The following TTC7A variants were observed in gnomAD, a reference collection of about 807,000 sequenced individuals.
The protein encoded by TTC7A is tetratricopeptide repeat protein 7A.
TTC7A carries 110 observed loss-of-function variants against 103.7 expected under a neutral mutation model. The ratio of observed to expected loss-of-function variants is 1.06; its 90% confidence interval spans 0.91 to 1.24. TTC7A has a LOEUF of 1.24. Among genes scored for constraint, TTC7A ranks in the 50% most tolerant of loss-of-function variants. The pLI is 0.00. For synonymous variants in TTC7A, 521 were observed against 467.9 expected, an observed-to-expected ratio of 1.11 and a Z score of -1.47; for missense variants, 1,340 against 1,116.3, an observed-to-expected ratio of 1.20 and a Z score of -2.86.
chr2:46,996,938 C>T (rs72872908), intron 8 of TTC7A, among the ~76,000 whole-genome samples: 79 of 152,166 alleles, frequency 5.2e-4, no homozygotes, highest in African/African-American at 1.9e-3. Context: ...AATCATCTGT[C>T]TGGAAACACA....
intron 3 of TTC7A, among the ~76,000 whole-genome samples, chr2:46,963,027 G>A (rs115863857): frequency 2.5e-4 from 38 of 152,342 alleles, no homozygotes; most frequent in African/African-American, 8.9e-4. Context: ...GGCCTCAAGG[G>A]TCTGTCGCTC....
At chr2:47,027,140 G>A (rs1024006946) in intron 14 of TTC7A, among the ~76,000 whole-genome samples, 2 of 152,212 alleles carry the variant, frequency 1.3e-5, no homozygotes, top group African/African-American at 2.4e-5. Flanking sequence ...TCTACAGGGT[G>A]CAGAACCTCA....
intron 15 of TTC7A, among the ~76,000 whole-genome samples, chr2:47,030,720 C>G (rs1680438082): frequency 6.6e-6 from 1 of 152,184 alleles, no homozygotes; most frequent in South Asian, 2.1e-4. Flanking sequence ...CCTGTTCCCC[C>G]TCCATCCTGG....
At chr2:47,000,813 C>A (rs1186279709) in intron 8 of TTC7A, among the ~76,000 whole-genome samples, 2 of 152,150 alleles carry the variant, frequency 1.3e-5, no homozygotes, top group African/African-American at 4.8e-5. Context: ...TGATCAGGGC[C>A]TTGGACTTGT....
chr2:47,004,579 A>C (rs945059838), intron 8 of TTC7A, among the ~76,000 whole-genome samples: 1 of 152,108 alleles, frequency 6.6e-6, no homozygotes, highest in Non-Finnish European at 1.5e-5. Context: ...TGTGTATGGA[A>C]GCAGAGGAGG....
At chr2:46,982,039 G>A (rs1302746743) in intron 5 of TTC7A, among the ~76,000 whole-genome samples, 2 of 152,192 alleles carry the variant, frequency 1.3e-5, no homozygotes, top group East Asian at 3.9e-4. Context: ...CGGTTGTGGG[G>A]ACAGGCACGC....
At chr2:47,062,969 A>G (rs967688693) in intron 19 of TTC7A, among the ~76,000 whole-genome samples, 1 of 152,252 alleles carries the variant, frequency 6.6e-6, no homozygotes, top group African/African-American at 2.4e-5. Context: ...CATCCCGTCT[A>G]CAGGCTCTGT....
At chr2:46,944,012 C>G (rs1670701850) in intron 1 of TTC7A, among the ~76,000 whole-genome samples, 1 of 152,064 alleles carries the variant, frequency 6.6e-6, no homozygotes, top group Non-Finnish European at 1.5e-5. Context: ...GCCCCTGTAC[C>G]CTTTTCCTGT....
At chr2:46,967,997 G>A (rs1252656516) in intron 3 of TTC7A, among the ~76,000 whole-genome samples, 2 of 152,124 alleles carry the variant, frequency 1.3e-5, no homozygotes, top group Non-Finnish European at 2.9e-5. Flanking sequence ...GACAGGCTGG[G>A]TAGGTGGGAG....
Position 46,975,084 on chromosome 2 carries a change from TC to T in TTC7A, c.631del (p.Leu211CysfsTer16). 7.4e-6 allele frequency: 12 copies of T among 1,613,862 alleles called. No individual in the cohort carries two copies. The highest frequency in any genetic ancestry group is 1.0e-5 in the Non-Finnish European group (12 of 1,179,842). On this transcript the variant is annotated frameshift_variant, in exon 4 of 20. Coordinates refer to ENST00000319190, the MANE Select transcript of TTC7A (RefSeq NM_020458.4). LOFTEE classifies it high-confidence loss of function. ...AGGGCCTCCTGGATCGCTCAGGTGT[TC>T]CTGCAGGAATTGGAGAAGGTGAGCT... Reference protein sequence around the residue: ...FERASWIAQVFLQELEKTTNN... With the variant: ...FERASWIAQVXLQELEKTTNN...
rs549400710 is a variant in TTC7A at position 46,941,497 on chromosome 2, T to A, written c.-45T>A. The A allele has an allele frequency of 4.6e-6, 7 of 1,537,584 alleles. No homozygotes were observed. The East Asian group carries it at 1.8e-4, about 39-fold the overall frequency. ...AGCCAGGACGCCGCCCCCGGCCGGG[T>A]CTCCACTTCTTGGCCGCACCTTCCA... On this transcript the variant is annotated 5_prime_UTR_variant, in exon 1 of 20. Coordinates refer to ENST00000319190, the MANE Select transcript of TTC7A (RefSeq NM_020458.4). The surrounding 1 kb of genome is among the most constrained non-coding windows in gnomAD (Gnocchi z 4.2).
intron 4 of TTC7A, among the ~76,000 whole-genome samples, chr2:46,976,604 C>T (rs1249576288): frequency 6.6e-6 from 1 of 152,158 alleles, no homozygotes; most frequent in Admixed American, 6.5e-5. Flanking sequence ...AGGTCATTTC[C>T]CCTAGAGCAG....
At chr2:47,040,248 C>G (rs1379072346) in intron 15 of TTC7A, 3 of 152,288 alleles carry the variant, frequency 2.0e-5, no homozygotes, top group African/African-American at 7.2e-5. Flanking sequence ...GCAGAGAGTA[C>G]CAAGGATGGA....
intron 18 of TTC7A, 132 bp from the exon 19 acceptor site, chr2:47,060,637 C>T (rs1683692786): frequency 1.3e-6 from 1 of 773,350 alleles, no homozygotes; most frequent in Non-Finnish European, 2.1e-6. Context: ...TCAGTGTGTC[C>T]CATGCTGTGA....
At chr2:46,961,457 G>T (rs11125104) in intron 3 of TTC7A, among the ~76,000 whole-genome samples, 99,948 of 151,058 alleles carry the variant, frequency 0.66, 33,741 homozygotes, top group East Asian at 0.74. Context: ...GGTGCCTGTA[G>T]TCCCAGCTAC....
intron 15 of TTC7A, chr2:47,045,539 G>T (rs936621334): frequency 6.6e-6 from 1 of 152,256 alleles, no homozygotes; most frequent in Non-Finnish European, 1.5e-5. Context: ...TTTTCAGGTC[G>T]AAAGAAATTC....
At chr2:46,997,652 T>C (rs1257372509) in intron 8 of TTC7A, among the ~76,000 whole-genome samples, 2 of 152,162 alleles carry the variant, frequency 1.3e-5, no homozygotes, top group East Asian at 1.9e-4. Flanking sequence ...CTCCTGGACT[T>C]CCATCCTGGT....
intron 18 of TTC7A, among the ~76,000 whole-genome samples, chr2:47,054,910 G>A (rs1183099106): frequency 1.3e-5 from 2 of 151,474 alleles, no homozygotes; most frequent in Admixed American, 6.6e-5. Flanking sequence ...GTGCACAACC[G>A]CCACGGCCAG....
At chr2:47,072,355 C>CAAGAT (rs1464924681) in intron 19 of TTC7A, among the ~76,000 whole-genome samples, 1 of 152,238 alleles carries the variant, frequency 6.6e-6, no homozygotes, top group Non-Finnish European at 1.5e-5. Context: ...TCCTCCCCCG[C>CAAGAT]CCCCTGGCCG....
Sources: gnomAD v4.1 joint callset for allele counts (sites outside exome capture counted in the v4.1 genomes callset) on GRCh38, gnomAD v4.1.1 for gene constraint, Gnocchi (gnomAD v3.1) non-coding constraint, MANE v1.5 for transcripts, NCBI Gene and HGNC (gene_info 2026-07-23, HGNC 2026-07-21) for gene names.